The following GRM7 variants were observed in gnomAD, a reference collection of about 807,000 sequenced individuals.
GRM7 encodes the protein glutamate metabotropic receptor 7.
GRM7 carries 35 observed loss-of-function variants against 84.5 expected under a neutral mutation model. That is an observed-to-expected ratio of 0.41 (90% CI 0.32 to 0.55). GRM7 has a LOEUF of 0.55. GRM7 is among the 20% of genes least tolerant of loss of function. The pLI is 0.19. For missense variants in GRM7, 1,003 were observed against 1,194.6 expected, an observed-to-expected ratio of 0.84 and a Z score of 2.36; for synonymous variants, 487 against 455.1, an observed-to-expected ratio of 1.07 and a Z score of -0.89.
chr3:7,002,105 T>C (rs1352035992), intron 1 of GRM7, among the ~76,000 whole-genome samples: 1 of 152,214 alleles, frequency 6.6e-6, no homozygotes, highest in Admixed American at 6.5e-5. Context: ...TCTCTTGCTT[T>C]AGTTTAAAAA....
chr3:7,073,253 G>T (rs2124986440), intron 1 of GRM7, among the ~76,000 whole-genome samples: 1 of 151,976 alleles, frequency 6.6e-6, no homozygotes, highest in East Asian at 1.9e-4. Flanking sequence ...TACAAAAAAA[G>T]CATACCTTAC....
chr3:7,432,634 T>TA (rs71625343), intron 5 of GRM7, among the ~76,000 whole-genome samples: 8,217 of 145,694 alleles, frequency 0.056, 670 homozygotes, highest in African/African-American at 0.18. Flanking sequence ...GCATCTAGTT[T>TA]AAAAAAAAAA....
chr3:7,612,646 C>T (rs143182369), intron 8 of GRM7, among the ~76,000 whole-genome samples: 18 of 152,148 alleles, frequency 1.2e-4, no homozygotes, highest in East Asian at 3.9e-4. Flanking sequence ...GACTTCTCCG[C>T]GTGGCATCAG....
intron 5 of GRM7, among the ~76,000 whole-genome samples, chr3:7,434,736 T>C (rs1696973105): frequency 6.6e-6 from 1 of 152,110 alleles, no homozygotes. Flanking sequence ...ATCATGAGTA[T>C]TGGTTTATAG....
At chr3:7,219,416 C>T (rs1290593132) in intron 2 of GRM7, among the ~76,000 whole-genome samples, 1 of 152,126 alleles carries the variant, frequency 6.6e-6, no homozygotes, top group Non-Finnish European at 1.5e-5. Flanking sequence ...ACTTTTCATA[C>T]ACATTACTAC....
chr3:7,146,038 T>C (rs1434921813), intron 1 of GRM7, among the ~76,000 whole-genome samples: 2 of 152,330 alleles, frequency 1.3e-5, no homozygotes, highest in African/African-American at 4.8e-5. Context: ...CCACCCAGTA[T>C]TCACAAGCTG....
At chr3:6,876,901 C>A (rs1005613654) in intron 1 of GRM7, among the ~76,000 whole-genome samples, 6 of 152,084 alleles carry the variant, frequency 3.9e-5, no homozygotes, top group African/African-American at 1.4e-4. Context: ...CAACCCCGGC[C>A]TACCACTAAA....
At chr3:7,192,484 C>A (rs756183767) in intron 2 of GRM7, among the ~76,000 whole-genome samples, 1 of 152,126 alleles carries the variant, frequency 6.6e-6, no homozygotes, top group Non-Finnish European at 1.5e-5. Context: ...TAGGAAAATG[C>A]ATTTTTAGAT....
At chr3:7,159,698 G>T (rs1365113041) in intron 2 of GRM7, among the ~76,000 whole-genome samples, 1 of 152,168 alleles carries the variant, frequency 6.6e-6, no homozygotes. Flanking sequence ...CATTAGAAAT[G>T]TGTGGGTCGC....
intron 2 of GRM7, among the ~76,000 whole-genome samples, chr3:7,276,019 G>A (rs1699038166): frequency 6.6e-6 from 1 of 152,050 alleles, no homozygotes. Flanking sequence ...GTATTCACCT[G>A]TTGGTCCCTC....
At chr3:7,509,430 T>C (rs1402423852) in intron 7 of GRM7, among the ~76,000 whole-genome samples, 1 of 152,194 alleles carries the variant, frequency 6.6e-6, no homozygotes, top group Admixed American at 6.5e-5. Context: ...GGATGGGTAC[T>C]ATCTGGCGTC....
chr3:7,097,343 A>G (rs573128428), intron 1 of GRM7, among the ~76,000 whole-genome samples: 2 of 152,288 alleles, frequency 1.3e-5, no homozygotes, highest in African/African-American at 4.8e-5. Context: ...GGAACAAAAA[A>G]TATGAGCCAA....
At chr3:7,309,153 A>G (rs556281988) in intron 4 of GRM7, among the ~76,000 whole-genome samples, 3 of 152,198 alleles carry the variant, frequency 2.0e-5, no homozygotes, top group East Asian at 1.9e-4. Context: ...GCCTAGGTAC[A>G]TTTCTTATAA....
At chr3:7,722,623 AG>A (rs1701990210) in intron 9 of GRM7, among the ~76,000 whole-genome samples, 1 of 152,074 alleles carries the variant, frequency 6.6e-6, no homozygotes, top group Non-Finnish European at 1.5e-5. Context: ...TTGTAATTTT[AG>A]TAGAGACAGG....
intron 1 of GRM7, among the ~76,000 whole-genome samples, chr3:7,100,375 G>C (rs1265060189): frequency 6.6e-6 from 1 of 151,670 alleles, no homozygotes; most frequent in African/African-American, 2.4e-5. Context: ...TAAAGAGCTT[G>C]ATGCAGCTCC....
At position 7,385,903 on chromosome 3, in the gene GRM7, C is replaced by T. The variant is rs539931746; in HGVS notation, c.1034-29120C>T. 2.6e-5 allele frequency among the ~76,000 whole-genome samples: 4 copies of T among 152,254 alleles called. No individual in the cohort carries two copies. In the East Asian group the frequency reaches 7.7e-4, roughly 29 times the overall value. On this transcript the variant is annotated intron_variant, in intron 4 of 9. Coordinates refer to ENST00000357716, the MANE Select transcript of GRM7 (RefSeq NM_000844.4). ...TACCAGCAATGACAATGAATGAATT[C>T]TAATGGAATGCATTCATAGGAATGA... is the stretch of plus-strand genomic sequence containing the variant.
intron 4 of GRM7, among the ~76,000 whole-genome samples, chr3:7,361,855 A>G (rs563089668): frequency 6.6e-6 from 1 of 152,220 alleles, no homozygotes; most frequent in Non-Finnish European, 1.5e-5. Context: ...TTAAGGAAGG[A>G]GAAAAGAGTT....
chr3:6,965,173 G>C (rs532819766), intron 1 of GRM7, among the ~76,000 whole-genome samples: 1 of 152,172 alleles, frequency 6.6e-6, no homozygotes, highest in African/African-American at 2.4e-5. Flanking sequence ...TCCCCCTGAA[G>C]AGGAACTGAT....
chr3:7,688,719 A>T (rs2125148838), intron 9 of GRM7, among the ~76,000 whole-genome samples: 1 of 152,292 alleles, frequency 6.6e-6, no homozygotes, highest in East Asian at 1.9e-4. Flanking sequence ...AAAGAAAACC[A>T]CAGATTCAAG....
Sources: allele counts gnomAD v4.1 joint callset (sites outside exome capture counted in the v4.1 genomes callset), GRCh38; gene constraint gnomAD v4.1.1; transcripts MANE v1.5; gene names NCBI Gene and HGNC (gene_info 2026-07-23, HGNC 2026-07-21).